Variants in LRP2BP observed in about 807,000 individuals in gnomAD.
LRP2BP encodes LRP2 binding protein.
LRP2BP carries 38 observed loss-of-function variants against 45.2 expected under a neutral mutation model. The ratio of observed to expected loss-of-function variants is 0.84; its 90% CI spans 0.65 to 1.10. LRP2BP has a LOEUF of 1.10. LRP2BP is among the 50% of genes least tolerant of loss of function. The pLI is 0.00. For missense variants in LRP2BP, 385 were observed against 418.9 expected (o/e 0.92, Z 0.71); for synonymous variants, 153 against 153.9 (o/e 0.99, Z 0.04).
At chr4:185,382,921 C>T (rs1329606253) in intron 1 of LRP2BP, among the ~76,000 whole-genome samples, 1 of 152,194 alleles carries the variant, frequency 6.6e-6, no homozygotes, top group Non-Finnish European at 1.5e-5. Flanking sequence ...AAGTTTACCC[C>T]TGTGCCTTCT....
intron 1 of LRP2BP, among the ~76,000 whole-genome samples, chr4:185,381,939 T>C (rs1298044500): frequency 6.6e-6 from 1 of 152,200 alleles, no homozygotes; most frequent in Non-Finnish European, 1.5e-5. Context: ...TTTAATATAA[T>C]TACAAAGTTG....
intron 3 of LRP2BP, 111 bp downstream of exon 3, chr4:185,376,798 T>G: frequency 1.4e-6 from 1 of 703,344 alleles, no homozygotes; most frequent in East Asian, 2.7e-5. Context: ...TCGATGTAAT[T>G]GGACAGAATT....
At chr4:185,389,685 T>A (rs2095483072) in intron 1 of LRP2BP, among the ~76,000 whole-genome samples, 1 of 152,164 alleles carries the variant, frequency 6.6e-6, no homozygotes, top group Non-Finnish European at 1.5e-5. Context: ...CATTTTTAGT[T>A]ATCCAATTTT....
rs1205351647 is a variant in LRP2BP, at chr4:185,366,275, T to C, written c.*905A>G. On this transcript the variant is annotated 3_prime_UTR_variant, in exon 9 of 9. Transcript: ENST00000505916. Reference sequence around the variant, plus strand: ...TTTTAACAATATTTAATTGTAGTTCTTGTAAATGATTTCATTGAGGCTTTT... The same window carrying C: ...TTTTAACAATATTTAATTGTAGTTCCTGTAAATGATTTCATTGAGGCTTTT... The C allele has an allele frequency of 4.6e-5, 7 of 152,266 alleles. No individual in the cohort carries two copies. In the East Asian group the frequency reaches 1.3e-3, roughly 29 times the overall value. 9.4% of individuals were successfully genotyped at this position (152,266 alleles called of 1,614,324 possible).
chr4:185,378,449 C>T, intron 1 of LRP2BP: 4 of 1,265,490 alleles, frequency 3.2e-6, no homozygotes, highest in Non-Finnish European at 4.0e-6. Context: ...ACCATGAGAC[C>T]TGTTTGCACG....
At position 185,394,822 on chromosome 4, in the gene LRP2BP, C is replaced by T; in HGVS notation, c.-65G>A. 1 of 985,436 alleles carries T rather than the reference C, an allele frequency of 1.0e-6. No homozygotes were observed. Among genetic ancestry groups the T allele is most frequent in the Non-Finnish European group, 1.2e-6 (1 of 829,940 alleles). The allele number at this position is 985,436 out of a possible 1,614,324, so 61.0% of individuals were successfully genotyped here. On this transcript the variant is annotated 5_prime_UTR_variant, in exon 1 of 9. Transcript: ENST00000505916. ...TTTAACACTCGCTGTAAATGGCATC[C>T]TCGTTCTGGAAACGCATCTACCAGC...
At chr4:185,367,337 G>A in intron 8 of LRP2BP, 92 bp from the exon 9 acceptor site, 1 of 1,121,008 alleles carries the variant, frequency 8.9e-7, no homozygotes, top group Non-Finnish European at 1.3e-6. Context: ...TCATTTTTAA[G>A]AATAGTAAAG....
In LRP2BP at chr4:185,374,315, T is replaced by C; in HGVS notation, c.473+4A>G. ...AACCTAATCTTGTTCTCAGGTAGGA[T>C]TACCTTTCAGCTTCCTCATTTGATC... On this transcript the variant is annotated splice_donor_region_variant and intron_variant, in intron 5 of 8. Transcript: ENST00000505916. 2 of 1,614,090 alleles carry C rather than the reference T, an allele frequency of 1.2e-6. No homozygotes were observed. Among genetic ancestry groups the C allele is most frequent in the Non-Finnish European group, 1.7e-6 (2 of 1,179,986 alleles).
intron 8 of LRP2BP, among the ~76,000 whole-genome samples, chr4:185,368,975 G>A (rs532284516): frequency 6.6e-6 from 1 of 151,794 alleles, no homozygotes; most frequent in South Asian, 2.1e-4. Flanking sequence ...TGTATTTCTA[G>A]TAGAGATGGG....
intron 4 of LRP2BP, 33 bp downstream of exon 4, chr4:185,375,580 A>C: frequency 8.1e-7 from 1 of 1,235,652 alleles, no homozygotes; most frequent in Non-Finnish European, 1.1e-6. Context: ...TGACAATGAA[A>C]TCTTAACCAC....
intron 1 of LRP2BP, among the ~76,000 whole-genome samples, 165 bp downstream of exon 1, chr4:185,394,614 T>G (rs979797187): frequency 6.6e-6 from 1 of 152,238 alleles, no homozygotes; most frequent in Admixed American, 6.5e-5. Context: ...ACATCACAGC[T>G]GCATGTGTAT....
At chr4:185,395,988 G>T, upstream of LRP2BP, 1 of 848,572 alleles carries the variant, frequency 1.2e-6, no homozygotes, top group Non-Finnish European at 1.4e-6. Context: ...AAAAAGCAGT[G>T]ACGCACGCCC....
At position 185,395,848 on chromosome 4, in the gene LRP2BP, T is replaced by C; in HGVS notation, c.-1091A>G. ...ATCAACAGAAGGGAATCACTAAAAA[T>C]GTAGGGGAAAAGAAACACTCGGCTG... On this transcript the variant is annotated 5_prime_UTR_variant, in exon 1 of 9. Coordinates refer to ENST00000505916, the MANE Select transcript of LRP2BP (RefSeq NM_001377440.1). 9 of 985,452 alleles carry C rather than the reference T, an allele frequency of 9.1e-6. No individual in the cohort carries two copies. Among genetic ancestry groups the C allele is most frequent in the Non-Finnish European group, 9.6e-6 (8 of 829,940 alleles). The allele number at this position is 985,452 out of a possible 1,614,324, so 61.0% of individuals were successfully genotyped here.
Position 185,372,879 on chromosome 4 carries a change from T to C in LRP2BP, c.780A>G (p.Thr260=), listed in dbSNP as rs572176791. ...ACCTTTTGGAAAATGCAACACACTT[T>C]GTAAAAAATTTCATCTTATAGTAAT... ...VEYYYKMKFF[T]KCVAFSKRIA... is the part of the protein sequence containing the mutation. Residue 260 remains threonine, a synonymous_variant, in exon 7 of 9, where the codon ACA becomes ACG. Transcript: ENST00000505916. The C allele has an allele frequency of 7.5e-6, 12 of 1,608,486 alleles. No individual in the cohort carries two copies. In the African/African-American group the frequency reaches 1.3e-4, roughly 18 times the overall value.
intron 7 of LRP2BP, among the ~76,000 whole-genome samples, chr4:185,371,343 T>G (rs1239830965): frequency 6.6e-6 from 1 of 151,870 alleles, no homozygotes; most frequent in Admixed American, 6.6e-5. Flanking sequence ...ATTGAGACCA[T>G]CCTGGCTAAC....
chr4:185,396,858 G>C, upstream of LRP2BP: 2 of 1,544,352 alleles, frequency 1.3e-6, no homozygotes, highest in South Asian at 1.1e-5. Flanking sequence ...CTTACCTGTC[G>C]GGGTGCGGCG....
At chr4:185,382,907 A>G (rs997057512) in intron 1 of LRP2BP, among the ~76,000 whole-genome samples, 1 of 152,210 alleles carries the variant, frequency 6.6e-6, no homozygotes, top group African/African-American at 2.4e-5. Context: ...ATCCAAGGTC[A>G]CAAAAGTTTA....
chr4:185,375,487 A>AAAAAAATATATATATATAT (rs1554018308), intron 4 of LRP2BP, 126 bp downstream of exon 4: 1 of 12,016 alleles, frequency 8.3e-5, no homozygotes, highest in African/African-American at 2.9e-4. Flanking sequence ...AAAAAAAAAA[A>AAAAAAATATATATATATAT]ATATATATAT....
At chr4:185,382,888 C>T (rs990218336) in intron 1 of LRP2BP, among the ~76,000 whole-genome samples, 1 of 152,068 alleles carries the variant, frequency 6.6e-6, no homozygotes, top group Non-Finnish European at 1.5e-5. Context: ...TAAAAGAAAC[C>T]ATTGCCTAAT....
Sources: gnomAD v4.1 joint callset for allele counts (sites outside exome capture counted in the v4.1 genomes callset) on GRCh38, gnomAD v4.1.1 for gene constraint, MANE v1.5 for transcripts, NCBI Gene and HGNC (gene_info 2026-07-23, HGNC 2026-07-21) for gene names.